CDH13: variants seen among roughly 807,000 people sequenced by gnomAD.
The protein encoded by CDH13 is cadherin-13.
In CDH13, 24 loss-of-function variants were observed where a neutral mutation model predicts 63.8. The observed-to-expected ratio is 0.38, with a 90% CI of 0.27 to 0.53. The LOEUF (loss-of-function observed/expected upper bound fraction) is 0.53. Ranked by LOEUF, CDH13 falls within the 20% of genes least tolerant of loss-of-function variation. The probability of loss-of-function intolerance (pLI) is 0.85; values close to 1 mark genes in which losing one functional copy is unlikely to be tolerated. For synonymous variants in CDH13, 503 were observed against 355.3 expected (o/e 1.42, Z -4.67); for missense variants, 1,049 against 903.1 (o/e 1.16, Z -2.07).
rs1904308924 is a variant in CDH13 at position 83,800,035 on chromosome 16, C to T, written c.*5005C>T. 6.6e-6 allele frequency: 1 copy of T among 152,202 alleles called. No individual in the cohort carries two copies. The highest frequency in any genetic ancestry group is 2.1e-4 in the South Asian group (1 of 4,832). 9.4% of individuals were successfully genotyped at this position (152,202 alleles called of 1,614,324 possible). A position where few individuals can be genotyped will look rare whatever the true frequency, so the allele number is the denominator to read the frequency against. On this transcript the variant is annotated 3_prime_UTR_variant, in exon 14 of 14. Transcript: ENST00000567109. ...GCGGAAAAATTTCCTCTCTCTCATA[C>T]TATGTTGCTATCATCACATCTATCG...
intron 2 of CDH13, among the ~76,000 whole-genome samples, chr16:82,992,889 A>T (rs1044806929): frequency 1.4e-4 from 21 of 152,198 alleles, no homozygotes; most frequent in Non-Finnish European, 2.6e-4. Flanking sequence ...CTGGTTAGGC[A>T]TGTCCTTGGC....
intron 10 of CDH13, among the ~76,000 whole-genome samples, chr16:83,714,608 G>A (rs1419923255): frequency 1.3e-5 from 2 of 152,182 alleles, no homozygotes; most frequent in Admixed American, 1.3e-4. Context: ...ATCAGTAGGA[G>A]GGACAGTTTC....
intron 6 of CDH13, among the ~76,000 whole-genome samples, chr16:83,421,362 G>A (rs1463271126): frequency 6.6e-6 from 1 of 152,122 alleles, no homozygotes; most frequent in Admixed American, 6.6e-5. Context: ...TTGAAGGTAG[G>A]CAGTTAAGAG....
At chr16:82,906,680 A>T (rs1485273987) in intron 2 of CDH13, among the ~76,000 whole-genome samples, 1 of 152,150 alleles carries the variant, frequency 6.6e-6, no homozygotes, top group East Asian at 1.9e-4. Flanking sequence ...GTGTTTTCTC[A>T]CAGTTCTAGT....
intron 6 of CDH13, among the ~76,000 whole-genome samples, chr16:83,368,937 T>TATATATACAC (rs1567622155): frequency 4.4e-5 from 3 of 68,912 alleles, no homozygotes; most frequent in African/African-American, 1.8e-4. Flanking sequence ...TATATATATA[T>TATATATACAC]ACTAGGTTTT....
intron 1 of CDH13, chr16:82,826,834 T>G (rs549058259): frequency 6.6e-6 from 1 of 152,350 alleles, no homozygotes; most frequent in Non-Finnish European, 1.5e-5. Flanking sequence ...AAATGTGGTA[T>G]TAGCAGACAT....
At chr16:83,271,311 G>C (rs2088800491) in intron 5 of CDH13, among the ~76,000 whole-genome samples, 1 of 149,200 alleles carries the variant, frequency 6.7e-6, no homozygotes, top group Non-Finnish European at 1.5e-5. Flanking sequence ...ACGGATAAGT[G>C]ATCAGGGCAG....
At chr16:83,434,406 G>T (rs1322391298) in intron 6 of CDH13, among the ~76,000 whole-genome samples, 1 of 152,092 alleles carries the variant, frequency 6.6e-6, no homozygotes, top group Non-Finnish European at 1.5e-5. Context: ...CATATTCCCT[G>T]TTGCCTCTGA....
intron 1 of CDH13, among the ~76,000 whole-genome samples, chr16:82,753,969 G>A (rs2034519862): frequency 6.6e-6 from 1 of 152,162 alleles, no homozygotes; most frequent in Non-Finnish European, 1.5e-5. Context: ...TGTGAATCAT[G>A]AATAAGATCA....
At chr16:82,794,914 A>G (rs761184906) in intron 1 of CDH13, among the ~76,000 whole-genome samples, 2 of 152,332 alleles carry the variant, frequency 1.3e-5, no homozygotes, top group Middle Eastern at 3.4e-3. Context: ...TCCAAGATTC[A>G]GGACTTAAAG....
At chr16:83,579,317 A>G (rs1905325003) in intron 7 of CDH13, among the ~76,000 whole-genome samples, 1 of 152,184 alleles carries the variant, frequency 6.6e-6, no homozygotes, top group Non-Finnish European at 1.5e-5. Flanking sequence ...ATAAAGAAAT[A>G]CCTGAGACTG....
intron 5 of CDH13, among the ~76,000 whole-genome samples, chr16:83,285,807 A>G (rs992975788): frequency 5.9e-5 from 9 of 152,174 alleles, no homozygotes; most frequent in African/African-American, 2.2e-4. Flanking sequence ...GTTTGTTGGC[A>G]GTTTTATTAA....
At chr16:83,238,517 C>T (rs998491155) in intron 5 of CDH13, among the ~76,000 whole-genome samples, 1 of 152,122 alleles carries the variant, frequency 6.6e-6, no homozygotes, top group Non-Finnish European at 1.5e-5. Flanking sequence ...AGGACACAGC[C>T]AAACCATATC....
intron 5 of CDH13, among the ~76,000 whole-genome samples, chr16:83,331,464 C>G (rs2090478799): frequency 1.3e-5 from 2 of 152,166 alleles, no homozygotes; most frequent in African/African-American, 4.8e-5. Context: ...TGTTGCATGT[C>G]TTAGAGTTTA....
At chr16:82,709,248 C>T (rs528355742) in intron 1 of CDH13, among the ~76,000 whole-genome samples, 61 of 152,306 alleles carry the variant, frequency 4.0e-4, no homozygotes, top group African/African-American at 1.4e-3. Flanking sequence ...ACATTATCAT[C>T]AAAAGCTATT....
intron 1 of CDH13, among the ~76,000 whole-genome samples, chr16:82,797,828 T>C (rs1430734337): frequency 6.6e-6 from 1 of 151,732 alleles, no homozygotes; most frequent in Non-Finnish European, 1.5e-5. Context: ...TATGTGTACA[T>C]ACTTTTCCCC....
At chr16:82,988,686 C>T (rs773587976) in intron 2 of CDH13, among the ~76,000 whole-genome samples, 14 of 151,368 alleles carry the variant, frequency 9.2e-5, no homozygotes, top group Admixed American at 3.3e-4. Flanking sequence ...TGCTTGAACC[C>T]GGCTGGCGGA....
intron 1 of CDH13, among the ~76,000 whole-genome samples, chr16:82,747,307 G>T (rs1405818785): frequency 6.6e-6 from 1 of 152,128 alleles, no homozygotes. Context: ...AAGACCCTCA[G>T]GAGTATGCAC....
intron 3 of CDH13, among the ~76,000 whole-genome samples, chr16:83,054,741 T>C (rs1223000098): frequency 6.6e-6 from 1 of 152,152 alleles, no homozygotes; most frequent in Non-Finnish European, 1.5e-5. Context: ...CCCATCATCA[T>C]AGCTGAAAAC....
Sources: gnomAD v4.1 joint callset for allele counts (sites outside exome capture counted in the v4.1 genomes callset) on GRCh38, gnomAD v4.1.1 for gene constraint, MANE v1.5 for transcripts, NCBI Gene and HGNC (gene_info 2026-07-23, HGNC 2026-07-21) for gene names.